Variants in FGD4 observed in about 807,000 individuals in gnomAD.
FGD4 encodes FYVE, RhoGEF and PH domain containing 4, also known as FYVE, RhoGEF and PH domain-containing protein 4.
Under a neutral mutation model 102.0 loss-of-function variants are expected in FGD4, and 42 were observed. The observed-to-expected ratio is 0.41, with a 90% CI of 0.32 to 0.53. FGD4 has a LOEUF of 0.53. Among genes scored for constraint, FGD4 ranks in the 20% least tolerant of loss-of-function variants. The pLI is 0.21. For missense variants in FGD4, 902 were observed against 1,078.2 expected (o/e 0.84, Z 2.29); for synonymous variants, 380 against 375.7 (o/e 1.01, Z -0.13).
At chr12:32,453,200 T>TATATATTA (rs1555183324) in intron 1 of FGD4, among the ~76,000 whole-genome samples, 2 of 64,590 alleles carry the variant, frequency 3.1e-5, no homozygotes, top group Non-Finnish European at 6.5e-5. Context: ...TATATATATA[T>TATATATTA]TATATATATA....
At chr12:32,453,499 G>C (rs558820726) in intron 1 of FGD4, among the ~76,000 whole-genome samples, 89 of 151,858 alleles carry the variant, frequency 5.9e-4, no homozygotes, top group African/African-American at 2.1e-3. Flanking sequence ...ATCCCAAAGT[G>C]CTGGGATTAC....
intron 1 of FGD4, among the ~76,000 whole-genome samples, chr12:32,402,861 CA>C (rs2136378311): frequency 6.6e-6 from 1 of 152,204 alleles, no homozygotes; most frequent in South Asian, 2.1e-4. Context: ...TGGATGACCA[CA>C]CCCTGTTCAA....
At chr12:32,407,743 C>T (rs1394332107) in intron 1 of FGD4, among the ~76,000 whole-genome samples, 12 of 152,060 alleles carry the variant, frequency 7.9e-5, no homozygotes, top group Non-Finnish European at 1.5e-4. Context: ...GAATTTGTGC[C>T]GATACACAAT....
intron 1 of FGD4, among the ~76,000 whole-genome samples, chr12:32,440,363 C>T (rs1942390272): frequency 6.6e-6 from 1 of 152,176 alleles, no homozygotes; most frequent in Admixed American, 6.5e-5. Context: ...AGGGGGCACC[C>T]CAAGCTCAGT....
At chr12:32,551,715 AT>A (rs1943683840) in intron 1 of FGD4, among the ~76,000 whole-genome samples, 1 of 152,220 alleles carries the variant, frequency 6.6e-6, no homozygotes, top group Non-Finnish European at 1.5e-5. Flanking sequence ...TGTGCCTAGC[AT>A]TTGAGTTTTG....
chr12:32,403,799 G>A (rs1420989486), intron 1 of FGD4, among the ~76,000 whole-genome samples: 1 of 152,026 alleles, frequency 6.6e-6, no homozygotes, highest in African/African-American at 2.4e-5. Context: ...GTTTCACCTT[G>A]TTGGCTAGGA....
chr12:32,434,515 T>C (rs929248433), intron 1 of FGD4, among the ~76,000 whole-genome samples: 2 of 152,276 alleles, frequency 1.3e-5, no homozygotes, highest in Non-Finnish European at 2.9e-5. Context: ...AATTCATTTC[T>C]TAGCTCCTTA....
chr12:32,563,935 AGCCGAGATG>A, intron 1 of FGD4, among the ~76,000 whole-genome samples, 193 bp from the exon 2 acceptor site: 1 of 149,468 alleles, frequency 6.7e-6, no homozygotes, highest in South Asian at 2.2e-4. Context: ...GGTTGCAGTG[AGCCGAGATG>A]GCAGCAGTAC....
intron 1 of FGD4, among the ~76,000 whole-genome samples, chr12:32,482,743 G>A (rs962632248): frequency 2.6e-5 from 4 of 152,110 alleles, no homozygotes; most frequent in Admixed American, 1.3e-4. Flanking sequence ...ACAAGAAAAC[G>A]AAGACATAGG....
At chr12:32,458,477 T>C (rs1176155962) in intron 1 of FGD4, among the ~76,000 whole-genome samples, 10 of 152,170 alleles carry the variant, frequency 6.6e-5, no homozygotes, top group Non-Finnish European at 1.5e-4. Flanking sequence ...CCCAGGCTGA[T>C]TTTTTAAATT....
At position 32,524,563 on chromosome 12, in the gene FGD4, G is replaced by A. The variant is rs377170756; in HGVS notation, c.167-39574G>A. Among the ~76,000 whole-genome samples, 190 of 150,714 alleles carry A rather than the reference G, an allele frequency of 1.3e-3. 1 individual carries two copies. The highest frequency in any genetic ancestry group is 4.5e-3 in the African/African-American group (183 of 41,022). On this transcript the variant is annotated intron_variant, in intron 1 of 16. Coordinates refer to ENST00000534526, the MANE Select transcript of FGD4 (RefSeq NM_001370298.3). ...AGAAAAAAATATGTGGCAGGCTCAC[G>A]CCTGCAATCCCAGCACTTTGGGGGG...
intron 1 of FGD4, among the ~76,000 whole-genome samples, chr12:32,402,169 CG>C (rs1940701122): frequency 7.0e-6 from 1 of 141,950 alleles, no homozygotes; most frequent in African/African-American, 2.6e-5. Flanking sequence ...TTGCTTGGCA[CG>C]GGGGCTCACG....
intron 1 of FGD4, among the ~76,000 whole-genome samples, chr12:32,545,174 G>T (rs554797317): frequency 2.6e-5 from 4 of 152,260 alleles, no homozygotes; most frequent in Admixed American, 2.6e-4. Context: ...TGACACAATC[G>T]CATGGTAGGC....
chr12:32,519,554 G>C (rs760517501), intron 1 of FGD4, among the ~76,000 whole-genome samples: 1 of 152,094 alleles, frequency 6.6e-6, no homozygotes, highest in Non-Finnish European at 1.5e-5. Flanking sequence ...ACTTTGGGAG[G>C]CTGAGTCAGG....
intron 1 of FGD4, among the ~76,000 whole-genome samples, chr12:32,500,707 C>T (rs1938154563): frequency 6.6e-6 from 1 of 152,172 alleles, no homozygotes; most frequent in East Asian, 1.9e-4. Flanking sequence ...GCTGGGATTA[C>T]AGGCGTGACC....
chr12:32,587,187 CAAAAAAAAAAAA>C (rs1181469038), intron 4 of FGD4, among the ~76,000 whole-genome samples: 1 of 66,116 alleles, frequency 1.5e-5, no homozygotes, highest in African/African-American at 4.8e-5. Flanking sequence ...GAGACTCTCT[CAAAAAAAAAAAA>C]AAAAAAAAAA....
chr12:32,567,387 A>G (rs970078673), intron 2 of FGD4, among the ~76,000 whole-genome samples: 3 of 152,098 alleles, frequency 2.0e-5, no homozygotes, highest in African/African-American at 7.2e-5. Flanking sequence ...TCTCAAGCGG[A>G]GACAGTTTTG....
chr12:32,622,574 T>A (rs1016669438), intron 11 of FGD4, among the ~76,000 whole-genome samples: 7 of 152,238 alleles, frequency 4.6e-5, no homozygotes, highest in African/African-American at 1.7e-4. Flanking sequence ...CTGAATTAAG[T>A]GATTACTTTT....
rs540194995 is a variant in FGD4, at chr12:32,602,023, G to A, written c.1248-138G>A. Reference sequence around the variant, plus strand: ...CCAGCTACTGAGAGTGCTGAAGCTGGAGGATTGATTGAACCTGGGAGGTCG... The same window carrying A: ...CCAGCTACTGAGAGTGCTGAAGCTGAAGGATTGATTGAACCTGGGAGGTCG... On this transcript the variant is annotated intron_variant, in intron 6 of 16. Coordinates refer to ENST00000534526, the MANE Select transcript of FGD4 (RefSeq NM_001370298.3). 1.5e-4 allele frequency: 107 copies of A among 729,892 alleles called. No individual in the cohort carries two copies. In the Middle Eastern group the frequency reaches 1.9e-3, roughly 13 times the overall value. 45.2% of individuals were successfully genotyped at this position (729,892 alleles called of 1,614,324 possible). A position where few individuals can be genotyped will look rare whatever the true frequency, so the allele number is the denominator to read the frequency against.
Sources: allele counts gnomAD v4.1 joint callset (sites outside exome capture counted in the v4.1 genomes callset), GRCh38; gene constraint gnomAD v4.1.1; transcripts MANE v1.5; gene names NCBI Gene and HGNC (gene_info 2026-07-23, HGNC 2026-07-21).